The following YEATS4 variants were observed in gnomAD, a reference collection of about 807,000 sequenced individuals.
YEATS4 encodes the protein YEATS domain-containing protein 4.
Under a neutral mutation model 30.1 loss-of-function variants are expected in YEATS4, and 17 were observed. That is an observed-to-expected ratio of 0.56 (90% CI 0.39 to 0.85). The LOEUF (loss-of-function observed/expected upper bound fraction) is 0.85. Ranked by LOEUF, YEATS4 falls within the 40% of genes least tolerant of loss-of-function variation. YEATS4 has a pLI of 0.00. For synonymous variants in YEATS4, 85 were observed against 87.5 expected, an observed-to-expected ratio of 0.97 and a Z score of 0.16; for missense variants, 142 against 268.3, an observed-to-expected ratio of 0.53 and a Z score of 3.29.
intron 6 of YEATS4, among the ~76,000 whole-genome samples, chr12:69,384,134 T>C (rs1003867405): frequency 6.6e-6 from 1 of 152,216 alleles, no homozygotes; most frequent in Non-Finnish European, 1.5e-5. Context: ...TCTGCAAAAA[T>C]GTTATGAACA....
intron 6 of YEATS4, 114 bp from the exon 7 acceptor site, chr12:69,390,033 T>A (rs1021662740): frequency 9.2e-5 from 78 of 846,214 alleles, no homozygotes; most frequent in Non-Finnish European, 1.3e-4. Flanking sequence ...ATTCTTAAGT[T>A]ATCCACATTT....
chr12:69,384,580 C>T (rs1329182419), intron 6 of YEATS4, among the ~76,000 whole-genome samples: 2 of 152,084 alleles, frequency 1.3e-5, no homozygotes, highest in African/African-American at 4.8e-5. Flanking sequence ...ATAGTACTTA[C>T]CAAAACAAAT....
chr12:69,412,127 G>A, the YEATS4 span, among the ~76,000 whole-genome samples: 3 of 152,324 alleles, frequency 2.0e-5, no homozygotes, highest in South Asian at 4.1e-4. Flanking sequence ...TAATATGTCT[G>A]TGCAACTGCA....
At chr12:69,405,960 A>T in the YEATS4 span, among the ~76,000 whole-genome samples, 1 of 152,206 alleles carries the variant, frequency 6.6e-6, no homozygotes, top group Non-Finnish European at 1.5e-5. Flanking sequence ...CTAACTTTGC[A>T]AATAAGCACA....
Position 69,378,372 on chromosome 12 carries a change from A to G in YEATS4, c.514+7397A>G, listed in dbSNP as rs531788967. 5.9e-5 allele frequency among the ~76,000 whole-genome samples: 9 copies of G among 151,356 alleles called. No homozygotes were observed. In the East Asian group the frequency reaches 1.8e-3, roughly 31 times the overall value. On this transcript the variant is annotated intron_variant, in intron 6 of 6. Coordinates refer to ENST00000247843, the MANE Select transcript of YEATS4 (RefSeq NM_006530.4). ...TCCATTTACATTCACTGATATTGATATTTACATTCATTAGTATTGATAAGT... is the reference window on the plus strand; with the variant it reads ...TCCATTTACATTCACTGATATTGATGTTTACATTCATTAGTATTGATAAGT...
At chr12:69,405,254 C>G in the YEATS4 span, among the ~76,000 whole-genome samples, 12 of 152,186 alleles carry the variant, frequency 7.9e-5, no homozygotes, top group Non-Finnish European at 1.6e-4. Flanking sequence ...GAACTAAACT[C>G]TATAAGCACT....
At chr12:69,411,641 T>G in the YEATS4 span, among the ~76,000 whole-genome samples, 1 of 150,988 alleles carries the variant, frequency 6.6e-6, no homozygotes, top group African/African-American at 2.4e-5. Flanking sequence ...TGGAGGGGAG[T>G]GTGGACAGGG....
At chr12:69,403,576 CAAAA>C in the YEATS4 span, among the ~76,000 whole-genome samples, 2 of 87,144 alleles carry the variant, frequency 2.3e-5, no homozygotes, top group African/African-American at 4.1e-5. Flanking sequence ...GACTCTGTCT[CAAAA>C]AAAAAAAAAA....
chr12:69,395,805 G>A (rs971719861), downstream of YEATS4, among the ~76,000 whole-genome samples: 10 of 152,152 alleles, frequency 6.6e-5, no homozygotes, highest in Non-Finnish European at 1.5e-5. Context: ...CTTTACTGAA[G>A]GGACTTACGG....
At chr12:69,392,107 A>G (rs916458578), downstream of YEATS4, among the ~76,000 whole-genome samples, 1 of 152,230 alleles carries the variant, frequency 6.6e-6, no homozygotes, top group Non-Finnish European at 1.5e-5. Context: ...TCTCCAAGGA[A>G]GGTATCAAAA....
intron 1 of YEATS4, among the ~76,000 whole-genome samples, chr12:69,360,602 A>G (rs181390382): frequency 1.3e-5 from 2 of 151,932 alleles, no homozygotes; most frequent in African/African-American, 2.4e-5. Flanking sequence ...TGAAATTACC[A>G]TAGACCCTAG....
intron 6 of YEATS4, among the ~76,000 whole-genome samples, chr12:69,384,391 T>TA (rs758234336): frequency 2.6e-5 from 4 of 152,330 alleles, no homozygotes; most frequent in Non-Finnish European, 5.9e-5. Flanking sequence ...TGTTAAATCT[T>TA]ACGTATGGAG....
At chr12:69,397,399 C>A in the YEATS4 span, among the ~76,000 whole-genome samples, 2 of 152,152 alleles carry the variant, frequency 1.3e-5, no homozygotes, top group African/African-American at 4.8e-5. Context: ...TGAATTGTAG[C>A]TCCCATAATC....
At chr12:69,371,344 A>G (rs12302896) in intron 6 of YEATS4, among the ~76,000 whole-genome samples, 1,872 of 152,336 alleles carry the variant, frequency 0.012, 22 homozygotes, top group African/African-American at 0.029. Flanking sequence ...ATACTTTTAT[A>G]TACTGTGAAC....
chr12:69,408,755 ATG>A, the YEATS4 span, among the ~76,000 whole-genome samples: 1 of 152,212 alleles, frequency 6.6e-6, no homozygotes, highest in Non-Finnish European at 1.5e-5. Context: ...TTGTCCATCA[ATG>A]TGAAGTTAAA....
intron 6 of YEATS4, among the ~76,000 whole-genome samples, chr12:69,375,582 G>GATC (rs1875836597): frequency 6.6e-6 from 1 of 152,220 alleles, no homozygotes; most frequent in African/African-American, 2.4e-5. Flanking sequence ...AGCGAGCAGA[G>GATC]ATCACGCCAC....
chr12:69,418,137 G>C, the YEATS4 span, among the ~76,000 whole-genome samples: 3 of 152,176 alleles, frequency 2.0e-5, no homozygotes, highest in African/African-American at 7.2e-5. Flanking sequence ...AGCCTTGGCA[G>C]GTGATAATGC....
chr12:69,400,392 T>C, the YEATS4 span, among the ~76,000 whole-genome samples: 6 of 152,230 alleles, frequency 3.9e-5, no homozygotes, highest in East Asian at 1.2e-3. Flanking sequence ...AATAGAAATA[T>C]TTATTGTGTG....
chr12:69,368,241 T>C (rs1264447149), intron 4 of YEATS4, among the ~76,000 whole-genome samples: 1 of 152,202 alleles, frequency 6.6e-6, no homozygotes, highest in Admixed American at 6.6e-5. Flanking sequence ...ACTTGTGATT[T>C]ACTTCTGCTA....
Sources: allele counts gnomAD v4.1 joint callset (sites outside exome capture counted in the v4.1 genomes callset), GRCh38; gene constraint gnomAD v4.1.1; transcripts MANE v1.5; gene names NCBI Gene and HGNC (gene_info 2026-07-23, HGNC 2026-07-21).